ESRRG: variants seen among roughly 807,000 people sequenced by gnomAD.
ESRRG encodes the protein estrogen-related receptor gamma.
ESRRG carries 13 observed loss-of-function variants against 44.0 expected under a neutral mutation model. The ratio of observed to expected loss-of-function variants is 0.30; its 90% CI spans 0.19 to 0.47. The LOEUF is 0.47. ESRRG is among the 20% of genes least tolerant of loss of function. The pLI is 1.00. For synonymous variants in ESRRG, 215 were observed against 214.6 expected (o/e 1.00, Z -0.02); for missense variants, 395 against 580.6 (o/e 0.68, Z 3.29).
chr1:216,506,765 A>G lies in ESRRG; in HGVS notation c.*174T>C, dbSNP rs2041304138. On this transcript the variant is annotated 3_prime_UTR_variant, in exon 7 of 7. Transcript: ENST00000408911. ...TGATGGAGAAAGTAGAAAGAAACTC[A>G]TCAGGAACCTATGGAGGAATCTGAA... is the stretch of plus-strand genomic sequence containing the variant. The G allele has an allele frequency of 1.5e-6, 1 of 680,908 alleles. No individual in the cohort carries two copies. 42.2% of individuals were successfully genotyped at this position (680,908 alleles called of 1,614,324 possible).
At chr1:216,852,879 A>C (rs2095863547) in intron 2 of ESRRG, among the ~76,000 whole-genome samples, 1 of 151,592 alleles carries the variant, frequency 6.6e-6, no homozygotes, top group Non-Finnish European at 1.5e-5. Context: ...TCTGTCTTGA[A>C]ACACATTTGA....
chr1:217,073,391 G>A (rs1453678111), intron 1 of ESRRG, among the ~76,000 whole-genome samples: 2 of 151,980 alleles, frequency 1.3e-5, no homozygotes, highest in African/African-American at 4.8e-5. Context: ...CTGCAGCTTG[G>A]AGTTTCAAAG....
intron 1 of ESRRG, among the ~76,000 whole-genome samples, chr1:216,681,322 T>A (rs2076988810): frequency 6.6e-6 from 1 of 152,118 alleles, no homozygotes; most frequent in South Asian, 2.1e-4. Context: ...ACTTTAAGTT[T>A]TAGGGTACGT....
At chr1:216,823,706 A>T (rs901065149) in intron 2 of ESRRG, among the ~76,000 whole-genome samples, 2 of 152,142 alleles carry the variant, frequency 1.3e-5, no homozygotes, top group Non-Finnish European at 2.9e-5. Flanking sequence ...TTATCTTCTC[A>T]TTTCAGACTT....
intron 1 of ESRRG, among the ~76,000 whole-genome samples, chr1:217,121,291 G>C (rs2092816150): frequency 6.6e-6 from 1 of 152,208 alleles, no homozygotes; most frequent in Admixed American, 6.5e-5. Context: ...AGGCTGGAGA[G>C]ATTCCGGGAC....
chr1:216,903,226 G>GTTC (rs2059289943), intron 2 of ESRRG, among the ~76,000 whole-genome samples: 1 of 152,136 alleles, frequency 6.6e-6, no homozygotes, highest in Admixed American at 6.6e-5. Context: ...CTGCACTGCA[G>GTTC]GGAATCCCTG....
intron 1 of ESRRG, among the ~76,000 whole-genome samples, chr1:217,055,673 T>C (rs997824984): frequency 5.3e-5 from 8 of 152,252 alleles, no homozygotes; most frequent in Non-Finnish European, 8.8e-5. Context: ...CCTCCTCAGA[T>C]ATGTCTGCCA....
At chr1:217,050,321 T>A (rs1281701579) in intron 1 of ESRRG, among the ~76,000 whole-genome samples, 1 of 152,178 alleles carries the variant, frequency 6.6e-6, no homozygotes, top group Non-Finnish European at 1.5e-5. Flanking sequence ...GAGAAAGATC[T>A]TGATAAAATA....
intron 5 of ESRRG, among the ~76,000 whole-genome samples, chr1:216,533,333 G>A (rs1448198200): frequency 2.0e-5 from 3 of 152,028 alleles, no homozygotes; most frequent in Admixed American, 6.6e-5. Context: ...AAATGAAAAC[G>A]GTAAAGTCTT....
chr1:216,691,314 A>G (rs1405781016), intron 1 of ESRRG, among the ~76,000 whole-genome samples: 2 of 152,186 alleles, frequency 1.3e-5, no homozygotes, highest in African/African-American at 4.8e-5. Flanking sequence ...ATTAGGGAGA[A>G]AAATACCACA....
Position 216,886,819 on chromosome 1 carries a change from G to A in ESRRG, c.-14+52763C>T, listed in dbSNP as rs183882935. Among the ~76,000 whole-genome samples, 889 of 152,252 alleles carry A rather than the reference G, an allele frequency of 5.8e-3. 8 individuals carry two copies. The highest frequency in any genetic ancestry group is 0.02 in the African/African-American group (842 of 41,542). On this transcript the variant is annotated intron_variant, in intron 2 of 7. Transcript: ENST00000359162. ...TCTCACTGCAGCCTTGGCCTCCTGGGCTCAGGTGATCCTCCCACCTTAGCC... is the reference window on the plus strand; with the variant it reads ...TCTCACTGCAGCCTTGGCCTCCTGGACTCAGGTGATCCTCCCACCTTAGCC...
chr1:216,910,294 C>G (rs978705334), intron 2 of ESRRG, among the ~76,000 whole-genome samples: 1 of 151,926 alleles, frequency 6.6e-6, no homozygotes, highest in African/African-American at 2.4e-5. Context: ...TCTCACATGG[C>G]TTGATTCCAA....
At chr1:217,085,638 G>A (rs777212897) in intron 1 of ESRRG, among the ~76,000 whole-genome samples, 3 of 151,334 alleles carry the variant, frequency 2.0e-5, no homozygotes, top group Non-Finnish European at 3.0e-5. Flanking sequence ...TTACAGGTGC[G>A]CACCACCACA....
intron 2 of ESRRG, among the ~76,000 whole-genome samples, chr1:216,825,057 T>C (rs1156756500): frequency 1.3e-5 from 2 of 152,196 alleles, no homozygotes; most frequent in Non-Finnish European, 2.9e-5. Context: ...GCTTGTTTTT[T>C]ACCAGAGCTT....
At chr1:216,977,550 C>T (rs2073192440) in intron 1 of ESRRG, among the ~76,000 whole-genome samples, 1 of 152,102 alleles carries the variant, frequency 6.6e-6, no homozygotes, top group African/African-American at 2.4e-5. Flanking sequence ...AATAGAAGCA[C>T]AGACAATAAG....
At chr1:217,068,705 A>G (rs2090135343) in intron 1 of ESRRG, among the ~76,000 whole-genome samples, 1 of 152,222 alleles carries the variant, frequency 6.6e-6, no homozygotes, top group Non-Finnish European at 1.5e-5. Flanking sequence ...TTTAGTGGAA[A>G]CGATAAGAAA....
intron 2 of ESRRG, among the ~76,000 whole-genome samples, chr1:216,675,801 C>T (rs1350303868): frequency 6.6e-6 from 1 of 152,174 alleles, no homozygotes; most frequent in Non-Finnish European, 1.5e-5. Context: ...GAACTGTTGG[C>T]AAATAATACA....
At chr1:216,939,370 A>AAAAAAAAAAAAAAAAAAAG (rs2064814392) in intron 2 of ESRRG, among the ~76,000 whole-genome samples, 1 of 133,964 alleles carries the variant, frequency 7.5e-6, no homozygotes, top group African/African-American at 2.8e-5. Flanking sequence ...AAAAAAAAAA[A>AAAAAAAAAAAAAAAAAAAG]CACTTTAAAG....
rs575148024 is a variant in ESRRG, at chr1:216,737,756, C to T, written c.-13-60265G>A. On this transcript the variant is annotated intron_variant, in intron 2 of 7. Transcript: ENST00000359162. ...TATTGGTTTTATCATCTGTTAAGAA[C>T]AACAATTAGCAAGAAGGGATTAAAA... Among the ~76,000 whole-genome samples, 8 of 143,478 alleles carry T rather than the reference C, an allele frequency of 5.6e-5. 1 individual carries two copies. The East Asian group carries it at 1.7e-3, about 31-fold the overall frequency. The allele number at this position is 143,478 out of a possible 152,430, so 94.1% of individuals were successfully genotyped here.
Sources: allele counts gnomAD v4.1 joint callset (sites outside exome capture counted in the v4.1 genomes callset), GRCh38; gene constraint gnomAD v4.1.1; transcripts MANE v1.5; gene names NCBI Gene and HGNC (gene_info 2026-07-23, HGNC 2026-07-21).